The following CDH17 variants were observed in gnomAD, a reference collection of about 807,000 sequenced individuals.
The protein encoded by CDH17 is cadherin 17.
CDH17 carries 67 observed loss-of-function variants against 86.3 expected under a neutral mutation model. That is an observed-to-expected ratio of 0.78 (90% confidence interval 0.64 to 0.95). CDH17 has a LOEUF of 0.95. Among genes scored for constraint, CDH17 ranks in the 40% least tolerant of loss-of-function variants. CDH17 has a pLI of 0.00. For synonymous variants in CDH17, 367 were observed against 366.4 expected, an observed-to-expected ratio of 1.00 and a Z score of -0.02; for missense variants, 993 against 1,017.6, an observed-to-expected ratio of 0.98 and a Z score of 0.33.
intron 7 of CDH17, among the ~76,000 whole-genome samples, chr8:94,172,232 G>A (rs1420774077): frequency 6.6e-6 from 1 of 151,752 alleles, no homozygotes; most frequent in Non-Finnish European, 1.5e-5. Context: ...CTTTAGTCTA[G>A]GCCCCCAATC....
chr8:94,199,066 TATATATATATATA>T (rs1282900471), intron 1 of CDH17, among the ~76,000 whole-genome samples: 7 of 23,070 alleles, frequency 3.0e-4, no homozygotes, highest in African/African-American at 8.1e-4. Context: ...TATATATATA[TATATATATATATA>T]TATATTTTTT....
chr8:94,132,730 A>T (rs1249687864), intron 15 of CDH17, among the ~76,000 whole-genome samples: 1 of 152,168 alleles, frequency 6.6e-6, no homozygotes, highest in African/African-American at 2.4e-5. Context: ...TTTAGTCATG[A>T]AGTCCTTGCC....
At chr8:94,155,759 G>C (rs72670340) in intron 12 of CDH17, among the ~76,000 whole-genome samples, 7,431 of 152,078 alleles carry the variant, frequency 0.049, 259 homozygotes, top group Middle Eastern at 0.075. Context: ...AGCTACATGG[G>C]GGATGGATTC....
chr8:94,144,267 G>A (rs765168479), intron 15 of CDH17, among the ~76,000 whole-genome samples: 3 of 152,246 alleles, frequency 2.0e-5, no homozygotes, highest in Admixed American at 6.5e-5. Flanking sequence ...TAAGTTTGTC[G>A]TCTTATGTGA....
intron 12 of CDH17, among the ~76,000 whole-genome samples, chr8:94,159,371 A>G (rs1813005021): frequency 6.6e-6 from 1 of 152,152 alleles, no homozygotes; most frequent in South Asian, 2.1e-4. Flanking sequence ...GGAGAGGGGG[A>G]TTAAAAAGAC....
At chr8:94,202,015 C>A in intron 1 of CDH17, 1 of 213,004 alleles carries the variant, frequency 4.7e-6, no homozygotes. Context: ...GTAAAATTTG[C>A]CAGTCCATGG....
chr8:94,128,041 TG>T lies in CDH17; in HGVS notation c.*198del. On this transcript the variant is annotated 3_prime_UTR_variant, in exon 18 of 18. Transcript: ENST00000027335. ...CCAGGAGGCGGAGGTTGCAGTGAGCTGGGATCACACCACTGTACTCCAGCCT... is the reference window on the plus strand; with the variant it reads ...CCAGGAGGCGGAGGTTGCAGTGAGCTGGATCACACCACTGTACTCCAGCCT... 2.0e-6 allele frequency: 1 copy of T among 493,408 alleles called. No homozygotes were observed. Among genetic ancestry groups the T allele is most frequent in the Non-Finnish European group, 3.6e-6 (1 of 278,376 alleles). The allele number at this position is 493,408 out of a possible 1,614,324, so 30.6% of individuals were successfully genotyped here.
In CDH17 at chr8:94,130,949, C is replaced by T. The variant is rs199718614; in HGVS notation, c.2211G>A (p.Glu737=). Residue 737 remains glutamate, a synonymous_variant, in exon 16 of 18, where the codon GAG becomes GAA. Coordinates refer to ENST00000027335, the MANE Select transcript of CDH17 (RefSeq NM_004063.4). ...TGCGGATCAAGACGACATACTCCCT[C>T]TCCTCAAACTCTGTGTGCCTGGTAG... ...RLSTRHTEFE[E]REYVVLIRIN... is the part of the protein sequence containing the mutation. The T allele has an allele frequency of 1.2e-6, 2 of 1,610,378 alleles. No individual in the cohort carries two copies.
At chr8:94,187,325 C>A (rs575567336) in intron 3 of CDH17, among the ~76,000 whole-genome samples, 19 of 152,212 alleles carry the variant, frequency 1.2e-4, no homozygotes, top group Admixed American at 5.9e-4. Context: ...CCATGAGAAG[C>A]TTCAGTGCAT....
upstream of CDH17, among the ~76,000 whole-genome samples, chr8:94,212,407 C>T (rs574557967): frequency 6.6e-6 from 1 of 152,218 alleles, no homozygotes; most frequent in South Asian, 2.1e-4. Context: ...TCTTAAAATG[C>T]TGGGAATACA....
At chr8:94,195,313 C>T (rs1046645178) in intron 1 of CDH17, among the ~76,000 whole-genome samples, 13 of 151,980 alleles carry the variant, frequency 8.6e-5, no homozygotes, top group Non-Finnish European at 1.2e-4. Context: ...TCCTTTCACT[C>T]CTATTATACA....
In CDH17 at chr8:94,190,622, T is replaced by C. The variant is rs185589809; in HGVS notation, c.52-1337A>G. ...TCAGAAGCATGATGTGGCAAGCCAA[T>C]GGTTTTTGGAGCTAGACAATAAAAA... On this transcript the variant is annotated intron_variant, in intron 2 of 17. Transcript: ENST00000027335. Among the ~76,000 whole-genome samples, 443 of 152,316 alleles carry C rather than the reference T, an allele frequency of 2.9e-3. 3 individuals carry two copies. The highest frequency in any genetic ancestry group is 0.01 in the African/African-American group (418 of 41,572).
chr8:94,177,812 C>G, intron 3 of CDH17, 91 bp from the exon 4 acceptor site: 1 of 1,278,350 alleles, frequency 7.8e-7, no homozygotes, highest in Non-Finnish European at 1.1e-6. Flanking sequence ...GTAAAATTTT[C>G]ATTGGTTCAA....
intron 1 of CDH17, among the ~76,000 whole-genome samples, chr8:94,215,574 G>C (rs79839698): frequency 0.012 from 1,797 of 152,268 alleles, 32 homozygotes; most frequent in African/African-American, 0.041. Flanking sequence ...TATTGTGGTG[G>C]TGGTTGCACA....
At chr8:94,190,937 G>T (rs941932049) in intron 2 of CDH17, among the ~76,000 whole-genome samples, 2 of 152,172 alleles carry the variant, frequency 1.3e-5, no homozygotes, top group African/African-American at 4.8e-5. Flanking sequence ...TTTGAAGTTT[G>T]GTCTTCTGTT....
chr8:94,179,680 G>A (rs1813441400), intron 3 of CDH17, among the ~76,000 whole-genome samples: 1 of 152,224 alleles, frequency 6.6e-6, no homozygotes, highest in South Asian at 2.1e-4. Context: ...GTAAACACCA[G>A]GAGACTTACT....
intron 12 of CDH17, among the ~76,000 whole-genome samples, chr8:94,155,889 C>T (rs1237913208): frequency 6.6e-6 from 1 of 152,236 alleles, no homozygotes; most frequent in Non-Finnish European, 1.5e-5. Flanking sequence ...ATCCGCATAA[C>T]TTCCACACCT....
intron 3 of CDH17, among the ~76,000 whole-genome samples, chr8:94,179,829 G>A (rs917398404): frequency 6.6e-6 from 1 of 152,064 alleles, no homozygotes; most frequent in East Asian, 1.9e-4. Flanking sequence ...CAAACAAACA[G>A]CATCAACAAC....
chr8:94,199,836 T>A (rs1813870211), intron 1 of CDH17, among the ~76,000 whole-genome samples: 1 of 152,148 alleles, frequency 6.6e-6, no homozygotes, highest in Non-Finnish European at 1.5e-5. Flanking sequence ...CGTGGCCCTA[T>A]CTACTCATCT....
Sources: gnomAD v4.1 joint callset for allele counts (sites outside exome capture counted in the v4.1 genomes callset) on GRCh38, gnomAD v4.1.1 for gene constraint, MANE v1.5 for transcripts, NCBI Gene and HGNC (gene_info 2026-07-23, HGNC 2026-07-21) for gene names.